The following C1GALT1 variants were observed in gnomAD, a reference collection of about 807,000 sequenced individuals.
The protein encoded by C1GALT1 is core 1 synthase, glycoprotein-N-acetylgalactosamine 3-beta-galactosyltransferase 1, also known as glycoprotein-N-acetylgalactosamine 3-beta-galactosyltransferase 1.
Under a neutral mutation model 31.0 loss-of-function variants are expected in C1GALT1, and 11 were observed. That is an observed-to-expected ratio of 0.36 (90% CI 0.22 to 0.59). The LOEUF is 0.59. Among genes scored for constraint, C1GALT1 ranks in the 20% least tolerant of loss-of-function variants. The pLI is 0.79. For synonymous variants in C1GALT1, 175 were observed against 143.6 expected (o/e 1.22, Z -1.56); for missense variants, 424 against 425.2 (o/e 1.00, Z 0.03).
chr7:7,233,681 A>G (rs1783197624), intron 1 of C1GALT1, among the ~76,000 whole-genome samples: 1 of 152,212 alleles, frequency 6.6e-6, no homozygotes, highest in Non-Finnish European at 1.5e-5. Context: ...GTCAGTATAT[A>G]AATGAATGGG....
At chr7:7,236,531 A>AT (rs1268303919) in intron 2 of C1GALT1, among the ~76,000 whole-genome samples, 4 of 151,392 alleles carry the variant, frequency 2.6e-5, no homozygotes, top group Admixed American at 6.6e-5. Flanking sequence ...TTTATTTTTT[A>AT]TTTTTTTTGA....
chr7:7,168,434 A>C (rs1726651582), intron 2 of C1GALT1, among the ~76,000 whole-genome samples: 2 of 152,242 alleles, frequency 1.3e-5, no homozygotes, highest in Non-Finnish European at 2.9e-5. Flanking sequence ...ATATTGATTC[A>C]AGTAACTTTC....
At chr7:7,185,291 A>T (rs931348474) in intron 1 of C1GALT1, among the ~76,000 whole-genome samples, 2 of 152,210 alleles carry the variant, frequency 1.3e-5, no homozygotes, top group African/African-American at 4.8e-5. Context: ...ATTAAAGCAC[A>T]TTTAAACGGC....
intron 1 of C1GALT1, among the ~76,000 whole-genome samples, chr7:7,201,710 T>C: frequency 6.6e-6 from 1 of 152,202 alleles, no homozygotes. Flanking sequence ...TCCAGGCAGC[T>C]GCTGAGCAGT....
At chr7:7,226,956 G>A (rs1782792549) in intron 1 of C1GALT1, among the ~76,000 whole-genome samples, 1 of 152,192 alleles carries the variant, frequency 6.6e-6, no homozygotes. Flanking sequence ...ATTTGTACAT[G>A]TGTGTATCCA....
chr7:7,162,921 GA>G (rs1321676560), intron 2 of C1GALT1, among the ~76,000 whole-genome samples: 1 of 152,152 alleles, frequency 6.6e-6, no homozygotes, highest in Admixed American at 6.6e-5. Flanking sequence ...CTTCTTTTGA[GA>G]AGTGTCTGTT....
intron 1 of C1GALT1, among the ~76,000 whole-genome samples, chr7:7,230,986 C>A (rs1030621136): frequency 1.3e-5 from 2 of 152,086 alleles, no homozygotes; most frequent in African/African-American, 4.8e-5. Context: ...CCCTTCCTTC[C>A]TACATCTCTG....
At chr7:7,198,421 T>A (rs1709762694) in intron 1 of C1GALT1, among the ~76,000 whole-genome samples, 1 of 152,224 alleles carries the variant, frequency 6.6e-6, no homozygotes, top group Non-Finnish European at 1.5e-5. Flanking sequence ...GATGTGCTGC[T>A]GGATTCAGTT....
rs537964497 is a variant in C1GALT1 at position 7,200,107 on chromosome 7, C to T, written c.-18+17287C>T. Reference sequence around the variant, plus strand: ...TATGATGTTAGCTGGTTATTTTGCTCGTTAGTTGATGCAGTTTCTTCCTAG... The same window carrying T: ...TATGATGTTAGCTGGTTATTTTGCTTGTTAGTTGATGCAGTTTCTTCCTAG... On this transcript the variant is annotated intron_variant, in intron 1 of 3. Transcript: ENST00000436587. 7.2e-5 allele frequency among the ~76,000 whole-genome samples: 11 copies of T among 152,214 alleles called. No homozygotes were observed. The South Asian group carries it at 8.3e-4, about 11-fold the overall frequency.
At chr7:7,196,669 C>T (rs917279545) in intron 1 of C1GALT1, among the ~76,000 whole-genome samples, 4 of 152,208 alleles carry the variant, frequency 2.6e-5, no homozygotes, top group Non-Finnish European at 4.4e-5. Flanking sequence ...AACTAGTTTA[C>T]AATCCCACCA....
chr7:7,216,811 T>TTG (rs1782265978), intron 1 of C1GALT1, among the ~76,000 whole-genome samples: 1 of 152,296 alleles, frequency 6.6e-6, no homozygotes, highest in African/African-American at 2.4e-5. Context: ...TAAACTTCCG[T>TTG]TCTCAGAAGA....
chr7:7,200,236 G>T (rs1156866845), intron 1 of C1GALT1, among the ~76,000 whole-genome samples: 1 of 152,164 alleles, frequency 6.6e-6, no homozygotes, highest in East Asian at 1.9e-4. Context: ...GGCAGGCCTG[G>T]TGGTGACAAA....
chr7:7,169,673 AT>A (rs1248788672), intron 2 of C1GALT1, among the ~76,000 whole-genome samples: 1 of 152,030 alleles, frequency 6.6e-6, no homozygotes, highest in African/African-American at 2.4e-5. Context: ...CCATTTGTAC[AT>A]TTTTTTGAGA....
At chr7:7,216,895 A>G (rs2128240818) in intron 1 of C1GALT1, among the ~76,000 whole-genome samples, 2 of 152,272 alleles carry the variant, frequency 1.3e-5, no homozygotes, top group Middle Eastern at 6.8e-3. Context: ...AGAGAGAGAG[A>G]GTTATTGAGT....
intron 2 of C1GALT1, among the ~76,000 whole-genome samples, chr7:7,165,579 C>G (rs775527581): frequency 1.3e-5 from 2 of 151,914 alleles, no homozygotes; most frequent in Non-Finnish European, 2.9e-5. Context: ...TGCAAGAATT[C>G]AAAGCTTTCA....
chr7:7,188,836 A>G (rs1780932776), intron 1 of C1GALT1, among the ~76,000 whole-genome samples: 1 of 152,202 alleles, frequency 6.6e-6, no homozygotes. Flanking sequence ...GAAGGGGTAA[A>G]TTAAAGTGCA....
chr7:7,222,838 AAAG>A (rs1782568218), intron 1 of C1GALT1, among the ~76,000 whole-genome samples: 1 of 152,262 alleles, frequency 6.6e-6, no homozygotes, highest in Admixed American at 6.5e-5. Flanking sequence ...TCATTTGAAG[AAAG>A]AATAAAGTAA....
intron 1 of C1GALT1, among the ~76,000 whole-genome samples, chr7:7,197,760 C>T (rs1295790081): frequency 2.0e-5 from 3 of 152,140 alleles, no homozygotes; most frequent in South Asian, 2.1e-4. Context: ...TCCTTCACAT[C>T]CCTTGTAAGT....
chr7:7,213,893 G>T (rs1170518905), intron 1 of C1GALT1, among the ~76,000 whole-genome samples: 2 of 152,086 alleles, frequency 1.3e-5, no homozygotes, highest in Non-Finnish European at 2.9e-5. Context: ...AAATATCATG[G>T]GAGAAGACAC....
Sources: allele counts gnomAD v4.1 joint callset (sites outside exome capture counted in the v4.1 genomes callset), GRCh38; gene constraint gnomAD v4.1.1; transcripts MANE v1.5; gene names NCBI Gene and HGNC (gene_info 2026-07-23, HGNC 2026-07-21).